Variants in MYO3B observed in about 807,000 individuals in gnomAD.
The protein encoded by MYO3B is myosin IIIB.
Under a neutral mutation model 174.6 loss-of-function variants are expected in MYO3B, and 156 were observed. That is an observed-to-expected ratio of 0.89 (90% CI 0.78 to 1.02). MYO3B has a LOEUF of 1.02. Among genes scored for constraint, MYO3B ranks in the 50% least tolerant of loss-of-function variants. The probability of loss-of-function intolerance (pLI) is 0.00; values close to 1 mark genes in which losing one functional copy is unlikely to be tolerated. For missense variants in MYO3B, 1,632 were observed against 1,639.4 expected (o/e 1.00, Z 0.08); for synonymous variants, 563 against 569.1 (o/e 0.99, Z 0.15).
intron 28 of MYO3B, among the ~76,000 whole-genome samples, chr2:170,506,825 G>A (rs1046442841): frequency 6.6e-6 from 1 of 152,124 alleles, no homozygotes; most frequent in African/African-American, 2.4e-5. Context: ...GTAGATTGTT[G>A]ATCCCAAGCC....
At chr2:170,622,649 T>C (rs894753457) in intron 32 of MYO3B, among the ~76,000 whole-genome samples, 2 of 152,156 alleles carry the variant, frequency 1.3e-5, no homozygotes, top group African/African-American at 4.8e-5. Flanking sequence ...TGTATACATG[T>C]GCCATGTTGG....
At chr2:170,266,903 A>G (rs1186737679) in intron 7 of MYO3B, among the ~76,000 whole-genome samples, 1 of 152,232 alleles carries the variant, frequency 6.6e-6, no homozygotes, top group African/African-American at 2.4e-5. Flanking sequence ...AAACTGGTAT[A>G]TAGATTTTAT....
chr2:170,214,352 C>G, intron 3 of MYO3B, 27 bp from the exon 4 acceptor site: 2 of 1,583,858 alleles, frequency 1.3e-6, no homozygotes, highest in Non-Finnish European at 1.7e-6. Flanking sequence ...CTCCTGCTCT[C>G]CCTGTGTCTG....
At chr2:170,558,084 A>C (rs533522931) in intron 32 of MYO3B, among the ~76,000 whole-genome samples, 1 of 152,084 alleles carries the variant, frequency 6.6e-6, no homozygotes, top group Non-Finnish European at 1.5e-5. Context: ...GGCGGATCAC[A>C]AGGTCAGGAG....
chr2:170,590,111 C>T (rs1693730633), intron 32 of MYO3B, among the ~76,000 whole-genome samples: 1 of 152,170 alleles, frequency 6.6e-6, no homozygotes, highest in South Asian at 2.1e-4. Context: ...AACAAAATCA[C>T]CTAACAACAC....
intron 22 of MYO3B, among the ~76,000 whole-genome samples, chr2:170,413,996 C>T (rs1298534639): frequency 1.3e-5 from 2 of 151,998 alleles, no homozygotes; most frequent in Non-Finnish European, 2.9e-5. Context: ...GCCGAGATCA[C>T]GCCACTACAC....
chr2:170,296,876 AGGT>A (rs1222150320), intron 7 of MYO3B, among the ~76,000 whole-genome samples: 1 of 152,140 alleles, frequency 6.6e-6, no homozygotes, highest in African/African-American at 2.4e-5. Context: ...GAGAGTGGGG[AGGT>A]CTACACACTT....
intron 32 of MYO3B, among the ~76,000 whole-genome samples, chr2:170,558,326 C>T (rs977770023): frequency 4.0e-5 from 6 of 151,064 alleles, no homozygotes; most frequent in African/African-American, 1.5e-4. Flanking sequence ...ATGCTTAAAA[C>T]GAAAATGGAC....
chr2:170,636,981 T>TGTGTGTGC (rs1559187017), intron 32 of MYO3B, among the ~76,000 whole-genome samples: 1 of 151,608 alleles, frequency 6.6e-6, no homozygotes, highest in African/African-American at 2.4e-5. Context: ...TGTGTGTGTG[T>TGTGTGTGC]GTGTGTGTAG....
chr2:170,585,712 G>C (rs1435739236), intron 32 of MYO3B, among the ~76,000 whole-genome samples: 1 of 152,082 alleles, frequency 6.6e-6, no homozygotes, highest in Non-Finnish European at 1.5e-5. Context: ...CAAGCAATAA[G>C]TAAGGAAATC....
intron 6 of MYO3B, among the ~76,000 whole-genome samples, chr2:170,220,066 G>A (rs1452490479): frequency 2.0e-5 from 3 of 152,028 alleles, no homozygotes; most frequent in Admixed American, 6.5e-5. Context: ...AGACCATCCT[G>A]GCTAACACAG....
In MYO3B at chr2:170,581,934, T is replaced by A. The variant is rs187396636; in HGVS notation, c.3733+37946T>A. Among the ~76,000 whole-genome samples the A allele has an allele frequency of 3.2e-4, 49 of 152,316 alleles. No homozygotes were observed. In the East Asian group the frequency reaches 7.5e-3, roughly 23 times the overall value. The stretch of plus-strand genomic sequence containing the variant: ...ATGGAAAGGAGACAAAAGATGTGTG[T>A]CATTATTAACAGGTAAAAACACCCC... On this transcript the variant is annotated intron_variant, in intron 32 of 34. Transcript: ENST00000408978.
At chr2:170,595,744 T>C in intron 32 of MYO3B, among the ~76,000 whole-genome samples, 1 of 152,068 alleles carries the variant, frequency 6.6e-6, no homozygotes, top group Admixed American at 6.5e-5. Flanking sequence ...GGCTTCTGAG[T>C]GCTTTAAGGG....
intron 20 of MYO3B, 28 bp downstream of exon 20, chr2:170,404,428 T>C (rs183335456): frequency 5.7e-6 from 9 of 1,583,988 alleles, no homozygotes; most frequent in Admixed American, 1.9e-5. Flanking sequence ...AACAGGCATA[T>C]ACATTTAGAA....
intron 7 of MYO3B, among the ~76,000 whole-genome samples, chr2:170,242,387 A>C (rs920103778): frequency 6.6e-6 from 1 of 152,188 alleles, no homozygotes; most frequent in Non-Finnish European, 1.5e-5. Flanking sequence ...GATCCCCAGA[A>C]TATCTTCTGG....
At chr2:170,280,145 A>G (rs2093496866) in intron 7 of MYO3B, among the ~76,000 whole-genome samples, 1 of 152,132 alleles carries the variant, frequency 6.6e-6, no homozygotes, top group Admixed American at 6.6e-5. Flanking sequence ...ACTTTTTAAT[A>G]ATAGACATTC....
At chr2:170,404,864 T>G (rs2094500522) in intron 20 of MYO3B, among the ~76,000 whole-genome samples, 1 of 152,162 alleles carries the variant, frequency 6.6e-6, no homozygotes, top group Non-Finnish European at 1.5e-5. Context: ...AAAGCCACCT[T>G]CTCATTAGGT....
chr2:170,315,830 A>G (rs544032865), intron 7 of MYO3B, among the ~76,000 whole-genome samples: 2 of 152,324 alleles, frequency 1.3e-5, no homozygotes, highest in East Asian at 3.9e-4. Flanking sequence ...GAACTGGAAT[A>G]TGAACCCAGG....
intron 7 of MYO3B, among the ~76,000 whole-genome samples, chr2:170,263,661 C>G (rs1330749012): frequency 6.6e-6 from 1 of 152,174 alleles, no homozygotes; most frequent in African/African-American, 2.4e-5. Flanking sequence ...CATGTCTCAC[C>G]TCCAGCCTTA....
Sources: allele counts gnomAD v4.1 joint callset (sites outside exome capture counted in the v4.1 genomes callset), GRCh38; gene constraint gnomAD v4.1.1; transcripts MANE v1.5; gene names NCBI Gene and HGNC (gene_info 2026-07-23, HGNC 2026-07-21).